Variants in DLGAP1 observed in about 807,000 individuals in gnomAD.
The protein encoded by DLGAP1 is disks large-associated protein 1.
Under a neutral mutation model 90.8 loss-of-function variants are expected in DLGAP1, and 11 were observed. The observed-to-expected ratio is 0.12, with a 90% CI of 0.08 to 0.20. DLGAP1 has a LOEUF of 0.20. DLGAP1 is among the 10% of genes least tolerant of loss of function. The pLI is 1.00. For missense variants in DLGAP1, 1,050 were observed against 1,333.8 expected (o/e 0.79, Z 3.31); for synonymous variants, 558 against 540.7 (o/e 1.03, Z -0.44).
At position 4,360,780 on chromosome 18, in the gene DLGAP1, A is replaced by G. The variant is rs756252305; in HGVS notation, c.-267+94226T>C. Reference sequence around the variant, plus strand: ...GATCACCTAAGGTCAGGAGTTCGAGACCAGCCTAGCCAACATGGCAAAACC... The same window carrying G: ...GATCACCTAAGGTCAGGAGTTCGAGGCCAGCCTAGCCAACATGGCAAAACC... On this transcript the variant is annotated intron_variant, in intron 1 of 12. Transcript: ENST00000315677. Among the ~76,000 whole-genome samples the G allele has an allele frequency of 2.4e-4, 37 of 152,138 alleles. 1 individual carries two copies. The highest frequency in any genetic ancestry group is 4.4e-5 in the Non-Finnish European group (3 of 68,028).
intron 2 of DLGAP1, among the ~76,000 whole-genome samples, chr18:4,111,753 C>A (rs1441812769): frequency 7.2e-5 from 11 of 151,810 alleles, no homozygotes. Flanking sequence ...TCTTTATAAT[C>A]CTTTTTATTT....
At chr18:4,426,702 C>T (rs56341906) in intron 1 of DLGAP1, among the ~76,000 whole-genome samples, 2,142 of 152,246 alleles carry the variant, frequency 0.014, 25 homozygotes, top group South Asian at 0.032. Context: ...ATCTAACACA[C>T]GAAGTATCAT....
intron 1 of DLGAP1, among the ~76,000 whole-genome samples, chr18:4,394,190 C>T (rs569795504): frequency 6.6e-6 from 1 of 152,296 alleles, no homozygotes; most frequent in South Asian, 2.1e-4. Context: ...AAGAAAGCCA[C>T]CGTCAGGATG....
rs188504097 is a variant in DLGAP1, at chr18:3,770,915, T to G, written c.1173-28403A>C. On this transcript the variant is annotated intron_variant, in intron 5 of 12. Coordinates refer to ENST00000315677, the MANE Select transcript of DLGAP1 (RefSeq NM_004746.4). ...TGTTGGAAAGATGACTTCTACCCAC[T>G]TTTATTACCTTTATGCCATGGTAAA... The G allele has an allele frequency of 5.3e-5, 8 of 152,352 alleles. No individual in the cohort carries two copies. The East Asian group carries it at 1.3e-3, about 26-fold the overall frequency. The allele number at this position is 152,352 out of a possible 1,614,324, so 9.4% of individuals were successfully genotyped here.
At chr18:4,120,179 TG>T (rs1481608730) in intron 2 of DLGAP1, among the ~76,000 whole-genome samples, 1 of 152,224 alleles carries the variant, frequency 6.6e-6, no homozygotes, top group Non-Finnish European at 1.5e-5. Flanking sequence ...ATCCCTTGTT[TG>T]AAAAACACTT....
At chr18:3,602,269 G>A (rs2057082011) in intron 7 of DLGAP1, among the ~76,000 whole-genome samples, 1 of 151,930 alleles carries the variant, frequency 6.6e-6, no homozygotes, top group African/African-American at 2.4e-5. Context: ...AGATAACCGA[G>A]ACAGTGCACG....
chr18:4,252,393 C>T (rs1014302153), intron 1 of DLGAP1, among the ~76,000 whole-genome samples: 1 of 152,076 alleles, frequency 6.6e-6, no homozygotes, highest in Non-Finnish European at 1.5e-5. Context: ...TTAACAACAA[C>T]CTCTTTAAGT....
intron 1 of DLGAP1, among the ~76,000 whole-genome samples, chr18:4,318,606 T>C (rs532074719): frequency 1.3e-5 from 2 of 152,280 alleles, no homozygotes; most frequent in East Asian, 1.9e-4. Flanking sequence ...AGGAGTTCCA[T>C]CTTGAGAAAA....
intron 1 of DLGAP1, among the ~76,000 whole-genome samples, chr18:4,315,299 T>C (rs983422846): frequency 6.6e-6 from 1 of 152,230 alleles, no homozygotes; most frequent in Non-Finnish European, 1.5e-5. Flanking sequence ...ATTATTGTTA[T>C]TACTATCTAT....
chr18:4,082,807 T>C lies in DLGAP1; in HGVS notation c.-159+68373A>G, dbSNP rs118140205. 7.3e-3 allele frequency among the ~76,000 whole-genome samples: 1,019 copies of C among 140,050 alleles called. 7 individuals carry two copies. The highest frequency in any genetic ancestry group is 0.031 in the Middle Eastern group (9 of 286). The allele number at this position is 140,050 out of a possible 152,430, so 91.9% of individuals were successfully genotyped here. On this transcript the variant is annotated intron_variant, in intron 2 of 12. Transcript: ENST00000315677. ...AACAAGAAAGATTCCAGTTGAGGTC[T>C]GTCTGGCTTCTTTGCTAAGGCTGGC...
intron 1 of DLGAP1, among the ~76,000 whole-genome samples, chr18:4,451,296 C>T (rs1392545233): frequency 1.3e-5 from 2 of 152,110 alleles, no homozygotes; most frequent in African/African-American, 4.8e-5. Context: ...AATCACACCT[C>T]ATTTTTTTCT....
chr18:4,311,867 C>A (rs1288825303), intron 1 of DLGAP1, among the ~76,000 whole-genome samples: 1 of 152,170 alleles, frequency 6.6e-6, no homozygotes, highest in East Asian at 1.9e-4. Flanking sequence ...AGGTGCCCGC[C>A]ACCACGCCCG....
chr18:4,139,755 CTCTT>C (rs2076465341), intron 2 of DLGAP1, among the ~76,000 whole-genome samples: 1 of 151,834 alleles, frequency 6.6e-6, no homozygotes, highest in Admixed American at 6.6e-5. Flanking sequence ...TTCCATCTCT[CTCTT>C]TAATAATATT....
chr18:3,529,446 G>C (rs2051852333), intron 10 of DLGAP1, among the ~76,000 whole-genome samples: 1 of 152,194 alleles, frequency 6.6e-6, no homozygotes. Flanking sequence ...AGCCTGAAAG[G>C]ACTGAGGTAT....
At chr18:3,627,875 CTTTTT>C (rs34874244) in intron 7 of DLGAP1, among the ~76,000 whole-genome samples, 1 of 90,098 alleles carries the variant, frequency 1.1e-5, no homozygotes, top group Non-Finnish European at 2.2e-5. Flanking sequence ...TCCTTCCTTC[CTTTTT>C]TTTTTTTTTT....
chr18:3,601,525 AC>A (rs1018533303), intron 7 of DLGAP1, among the ~76,000 whole-genome samples: 1 of 151,694 alleles, frequency 6.6e-6, no homozygotes, highest in African/African-American at 2.4e-5. Flanking sequence ...CCCTCAGGCT[AC>A]AGTTCGACTT....
At chr18:3,814,912 C>T (rs537715760) in intron 4 of DLGAP1, among the ~76,000 whole-genome samples, 1 of 152,262 alleles carries the variant, frequency 6.6e-6, no homozygotes, top group South Asian at 2.1e-4. Context: ...ATTAACCTTT[C>T]AATAACAATA....
At chr18:3,694,289 G>A (rs576706356) in intron 7 of DLGAP1, among the ~76,000 whole-genome samples, 1 of 152,198 alleles carries the variant, frequency 6.6e-6, no homozygotes, top group East Asian at 1.9e-4. Context: ...GTCTATCATT[G>A]ATGGGCATTT....
Position 3,523,249 on chromosome 18 carries a change from T to C in DLGAP1, c.2479+10945A>G, listed in dbSNP as rs192618130. Among the ~76,000 whole-genome samples the C allele has an allele frequency of 9.4e-4, 142 of 151,734 alleles. 1 individual carries two copies. The highest frequency in any genetic ancestry group is 3.2e-3 in the African/African-American group (133 of 41,384). ...AAATTTAGCCGGGCATGGTGGTGCA[T>C]GCCTGTAATCCCAGCTACTCAGGAG... On this transcript the variant is annotated intron_variant, in intron 10 of 12. Transcript: ENST00000315677.
Sources: allele counts gnomAD v4.1 joint callset (sites outside exome capture counted in the v4.1 genomes callset), GRCh38; gene constraint gnomAD v4.1.1; transcripts MANE v1.5; gene names NCBI Gene and HGNC (gene_info 2026-07-23, HGNC 2026-07-21).